ATXN7L1: variants seen among roughly 807,000 people sequenced by gnomAD.
ATXN7L1 encodes ataxin 7 like 1.
Under a neutral mutation model 70.8 loss-of-function variants are expected in ATXN7L1, and 15 were observed. The ratio of observed to expected loss-of-function variants is 0.21; its 90% CI spans 0.14 to 0.33. The LOEUF is 0.33. ATXN7L1 is among the 10% of genes least tolerant of loss of function. The pLI, the probability that ATXN7L1 is intolerant of heterozygous loss-of-function variation, is 1.00. For missense variants in ATXN7L1, 975 were observed against 1,097.1 expected, an observed-to-expected ratio of 0.89 and a Z score of 1.57; for synonymous variants, 440 against 445.1, an observed-to-expected ratio of 0.99 and a Z score of 0.14.
At chr7:105,708,881 G>C (rs948983140) in intron 3 of ATXN7L1, among the ~76,000 whole-genome samples, 1 of 152,214 alleles carries the variant, frequency 6.6e-6, no homozygotes, top group Non-Finnish European at 1.5e-5. Flanking sequence ...TATACAGAAT[G>C]TCTTAGGACA....
rs1191774371 is a variant in ATXN7L1 at position 105,619,140 on chromosome 7, G to GTTT, written c.1517+1057_1517+1059dup. Among the ~76,000 whole-genome samples, 189 of 49,828 alleles carry GTTT rather than the reference G, an allele frequency of 3.8e-3. 57 individuals carry two copies. Among genetic ancestry groups the GTTT allele is most frequent in the African/African-American group, 0.014 (174 of 12,206 alleles). 32.7% of individuals were successfully genotyped at this position (49,828 alleles called of 152,430 possible). ...GTCCACAACCATAATGAAATCTTTA[G>GTTT]TTTTTTTTTTTTTTTTTTTTTTTTT... On this transcript the variant is annotated intron_variant, in intron 9 of 11. Coordinates refer to ENST00000419735, the MANE Select transcript of ATXN7L1 (RefSeq NM_020725.2).
At chr7:105,660,957 CAT>C (rs975445477) in intron 4 of ATXN7L1, among the ~76,000 whole-genome samples, 7 of 152,208 alleles carry the variant, frequency 4.6e-5, no homozygotes, top group African/African-American at 1.7e-4. Flanking sequence ...CTACCAACCT[CAT>C]AGTCCTTATC....
intron 9 of ATXN7L1, among the ~76,000 whole-genome samples, chr7:105,616,522 T>C (rs59844819): frequency 0.27 from 40,969 of 152,152 alleles, 6,267 homozygotes; most frequent in Middle Eastern, 0.45. Flanking sequence ...AGAATTTACA[T>C]TCTCTCAAGC....
intron 2 of ATXN7L1, among the ~76,000 whole-genome samples, chr7:105,825,009 A>G (rs1810674636): frequency 6.6e-6 from 1 of 152,188 alleles, no homozygotes; most frequent in Non-Finnish European, 1.5e-5. Flanking sequence ...GTTACAGAGA[A>G]GATCCTAAAA....
chr7:105,688,077 A>G (rs1461565905), intron 3 of ATXN7L1, among the ~76,000 whole-genome samples: 1 of 152,172 alleles, frequency 6.6e-6, no homozygotes, highest in Non-Finnish European at 1.5e-5. Flanking sequence ...ATGCTGAACA[A>G]CTGATTTATA....
At chr7:105,692,370 T>TTCCTTCCTTCC (rs1791006818) in intron 3 of ATXN7L1, among the ~76,000 whole-genome samples, 11 of 94,506 alleles carry the variant, frequency 1.2e-4, no homozygotes, top group African/African-American at 4.3e-4. Flanking sequence ...AATTTCTTTC[T>TTCCTTCCTTCC]TTCCTTCCTT....
intron 3 of ATXN7L1, among the ~76,000 whole-genome samples, chr7:105,686,835 A>G (rs1164548099): frequency 6.6e-6 from 1 of 152,206 alleles, no homozygotes; most frequent in East Asian, 1.9e-4. Flanking sequence ...GTCTGTATCT[A>G]TATGTAATTG....
At position 105,778,765 on chromosome 7, in the gene ATXN7L1, G is replaced by C. The variant is rs369527798; in HGVS notation, c.355+9839C>G. 5.9e-5 allele frequency among the ~76,000 whole-genome samples: 9 copies of C among 152,290 alleles called. No homozygotes were observed. In the East Asian group the frequency reaches 1.2e-3, roughly 20 times the overall value. On this transcript the variant is annotated intron_variant, in intron 3 of 11. Coordinates refer to ENST00000419735, the MANE Select transcript of ATXN7L1 (RefSeq NM_020725.2). Reference sequence around the variant, plus strand: ...GAAACTACAGGTAGAATTTTTAGGAGAACATATGTGGTACCCACTCCATCT... The same window carrying C: ...GAAACTACAGGTAGAATTTTTAGGACAACATATGTGGTACCCACTCCATCT...
rs140182814 is a variant in ATXN7L1 at position 105,835,299 on chromosome 7, C to T, written c.250+40513G>A. On this transcript the variant is annotated intron_variant, in intron 2 of 11. Transcript: ENST00000419735. ...CCTCCTGAGAAGCTGGGACTACAGG[C>T]GCATGCCACCATGATAGGCTCATTT... 8.2e-3 allele frequency among the ~76,000 whole-genome samples: 1,246 copies of T among 151,418 alleles called. 17 individuals carry two copies. Among genetic ancestry groups the T allele is most frequent in the African/African-American group, 0.028 (1,171 of 41,216 alleles).
At chr7:105,865,874 A>C (rs1817392773) in intron 2 of ATXN7L1, among the ~76,000 whole-genome samples, 1 of 151,970 alleles carries the variant, frequency 6.6e-6, no homozygotes, top group African/African-American at 2.4e-5. Flanking sequence ...CTGAATACCC[A>C]CCATTCTACT....
At chr7:105,869,811 T>TC (rs1231884311) in intron 2 of ATXN7L1, among the ~76,000 whole-genome samples, 1 of 152,184 alleles carries the variant, frequency 6.6e-6, no homozygotes, top group African/African-American at 2.4e-5. Context: ...CTTTTTTTTT[T>TC]CTCAGTGATA....
Position 105,789,442 on chromosome 7 carries a change from C to T in ATXN7L1, c.251-734G>A, listed in dbSNP as rs180930572. 7.7e-4 allele frequency among the ~76,000 whole-genome samples: 117 copies of T among 152,316 alleles called. 1 individual carries two copies. The East Asian group carries it at 0.02, about 26-fold the overall frequency. ...GCTGTGTTAGGGGCTATGGAGGAGACACACGGGGTCCCCTGGGAGTGTGCG... is the reference window on the plus strand; with the variant it reads ...GCTGTGTTAGGGGCTATGGAGGAGATACACGGGGTCCCCTGGGAGTGTGCG... On this transcript the variant is annotated intron_variant, in intron 2 of 11. Transcript: ENST00000419735.
intron 2 of ATXN7L1, among the ~76,000 whole-genome samples, chr7:105,812,358 T>C (rs1005878769): frequency 1.3e-5 from 2 of 152,212 alleles, no homozygotes; most frequent in Non-Finnish European, 2.9e-5. Flanking sequence ...TTCCTACCTG[T>C]TCAGTTGATT....
intron 3 of ATXN7L1, among the ~76,000 whole-genome samples, chr7:105,675,252 G>C (rs1804456220): frequency 6.6e-6 from 1 of 152,164 alleles, no homozygotes; most frequent in African/African-American, 2.4e-5. Context: ...GAAAATGTAT[G>C]CAAAATAGTA....
chr7:105,661,244 C>T (rs1801557307), intron 4 of ATXN7L1, among the ~76,000 whole-genome samples: 1 of 152,116 alleles, frequency 6.6e-6, no homozygotes, highest in Non-Finnish European at 1.5e-5. Flanking sequence ...AGAGTTGGCA[C>T]ACAGTATTAC....
At chr7:105,815,205 G>C (rs1264675595) in intron 2 of ATXN7L1, among the ~76,000 whole-genome samples, 1 of 152,190 alleles carries the variant, frequency 6.6e-6, no homozygotes, top group African/African-American at 2.4e-5. Flanking sequence ...GGAGCGAAGA[G>C]GGGGAGAAGT....
rs578051843 is a variant in ATXN7L1 at position 105,720,814 on chromosome 7, C to T, written c.356-55526G>A. ...GTTGGTGGTGTCTTCTGGGTATCCA[C>T]TGGAAAATTCCAGGGCACTCTACCT... On this transcript the variant is annotated intron_variant, in intron 3 of 11. Transcript: ENST00000419735. Among the ~76,000 whole-genome samples the T allele has an allele frequency of 8.1e-4, 124 of 152,218 alleles. 1 individual carries two copies. The South Asian group carries it at 0.011, about 14-fold the overall frequency.
intron 4 of ATXN7L1, among the ~76,000 whole-genome samples, chr7:105,663,486 T>A (rs1460468360): frequency 6.6e-6 from 1 of 152,232 alleles, no homozygotes; most frequent in Non-Finnish European, 1.5e-5. Flanking sequence ...TAAGTGCAAT[T>A]AACTGTCATC....
chr7:105,832,347 G>T (rs746028480), intron 2 of ATXN7L1, among the ~76,000 whole-genome samples: 1 of 152,174 alleles, frequency 6.6e-6, no homozygotes, highest in Non-Finnish European at 1.5e-5. Context: ...CTAATTTGGT[G>T]ACTAAACTGC....
Sources: gnomAD v4.1 joint callset for allele counts (sites outside exome capture counted in the v4.1 genomes callset) on GRCh38, gnomAD v4.1.1 for gene constraint, MANE v1.5 for transcripts, NCBI Gene and HGNC (gene_info 2026-07-23, HGNC 2026-07-21) for gene names.